WNK1: variants seen among roughly 807,000 people sequenced by gnomAD.
WNK1 encodes the protein WNK lysine deficient protein kinase 1.
WNK1 carries 38 observed loss-of-function variants against 222.8 expected under a neutral mutation model. That is an observed-to-expected ratio of 0.17 (90% CI 0.13 to 0.22). The LOEUF (loss-of-function observed/expected upper bound fraction) is 0.22. Ranked by LOEUF, WNK1 falls within the 10% of genes least tolerant of loss-of-function variation. The pLI is 1.00. For missense variants in WNK1, 2,348 were observed against 2,918.4 expected (o/e 0.80, Z 4.50); for synonymous variants, 1,090 against 1,092.9 (o/e 1.00, Z 0.05).
Position 753,609 on chromosome 12 carries a change from C to T in WNK1, c.44C>T (p.Ser15Phe). The change falls in exon 1 of 28, where the codon TCC becomes TTC. Residue 15 changes from serine to phenylalanine, a missense_variant. Coordinates refer to ENST00000315939, the MANE Select transcript of WNK1 (RefSeq NM_018979.4). The surrounding 1 kb of genome is among the most constrained non-coding windows in gnomAD (Gnocchi z 5.2). The part of the protein sequence containing the change: ...AAEKQSSTPG[S>F]LFLSPPAPAP... ...GAGAAGCAGAGCAGCACTCCCGGTT[C>T]CCTGTTCCTCTCGCCGCCGGCTCCT... 2 of 1,612,822 alleles carry T rather than the reference C, an allele frequency of 1.2e-6. No individual in the cohort carries two copies. The highest frequency in any genetic ancestry group is 1.7e-6 in the Non-Finnish European group (2 of 1,179,924).
intron 1 of WNK1, among the ~76,000 whole-genome samples, chr12:762,925 T>C (rs112653129): frequency 0.099 from 14,425 of 146,040 alleles, 1,844 homozygotes; most frequent in African/African-American, 0.17. Context: ...TTTGTATTTT[T>C]AGTAGAGGTG....
At chr12:886,177 A>G in intron 19 of WNK1, 93 bp downstream of exon 19, 1 of 1,143,672 alleles carries the variant, frequency 8.7e-7, no homozygotes, top group Admixed American at 2.7e-5. Context: ...GTAAGTTAGA[A>G]ACATATTTAT....
intron 20 of WNK1, among the ~76,000 whole-genome samples, chr12:888,243 C>G (rs1953861564): frequency 1.3e-5 from 2 of 152,162 alleles, no homozygotes; most frequent in African/African-American, 4.8e-5. Flanking sequence ...CAGGGGAACA[C>G]TATTTGAGGA....
At chr12:816,532 C>T (rs954121247) in intron 2 of WNK1, among the ~76,000 whole-genome samples, 2 of 151,994 alleles carry the variant, frequency 1.3e-5, no homozygotes, top group Admixed American at 1.3e-4. Flanking sequence ...TTGGCCTCAT[C>T]CCGATTTGAC....
intron 1 of WNK1, among the ~76,000 whole-genome samples, chr12:791,421 A>G (rs1470018108): frequency 2.6e-5 from 4 of 152,158 alleles, no homozygotes; most frequent in African/African-American, 9.7e-5. Context: ...GTTATAAATT[A>G]TATCATGTAT....
chr12:812,246 T>C (rs1437854873), intron 1 of WNK1, among the ~76,000 whole-genome samples: 1 of 152,214 alleles, frequency 6.6e-6, no homozygotes, highest in East Asian at 1.9e-4. Context: ...ATTTTTCTTT[T>C]AAGTCACAGG....
intron 3 of WNK1, among the ~76,000 whole-genome samples, chr12:828,991 A>G (rs1948587774): frequency 6.6e-6 from 1 of 152,254 alleles, no homozygotes; most frequent in Admixed American, 6.5e-5. Flanking sequence ...ACATTTTCTT[A>G]TAATACATTC....
intron 14 of WNK1, 47 bp from the exon 15 acceptor site, chr12:882,896 A>G: frequency 8.2e-7 from 1 of 1,215,590 alleles, no homozygotes; most frequent in Non-Finnish European, 1.2e-6. Flanking sequence ...ATTCAGTAAT[A>G]AAGCTGAATA....
At chr12:894,708 A>G (rs1954587187) in intron 23 of WNK1, 73 bp downstream of exon 23, 7 of 1,395,764 alleles carry the variant, frequency 5.0e-6, no homozygotes, top group South Asian at 1.2e-5. Context: ...ATTACTGCCT[A>G]CCTATTTGGG....
In WNK1 at chr12:769,638, T is replaced by C. The variant is rs570934248; in HGVS notation, c.759+15314T>C. 4.8e-4 allele frequency among the ~76,000 whole-genome samples: 73 copies of C among 152,364 alleles called. 1 individual carries two copies. The highest frequency in any genetic ancestry group is 2.6e-4 in the Admixed American group (4 of 15,300). On this transcript the variant is annotated intron_variant, in intron 1 of 27. Transcript: ENST00000315939. ...CAGCAATTTCTCCTGGAGCCCTGGT[T>C]CTTTTTATTGTAGAAAGGTATTCAG...
At chr12:869,566 A>G (rs765645396) in intron 8 of WNK1, among the ~76,000 whole-genome samples, 285 of 152,278 alleles carry the variant, frequency 1.9e-3, no homozygotes, top group South Asian at 3.7e-3. Flanking sequence ...TTTTGAGGTA[A>G]TATTAATAAT....
chr12:826,312 T>C (rs558386667), intron 2 of WNK1, among the ~76,000 whole-genome samples: 3 of 152,326 alleles, frequency 2.0e-5, no homozygotes, highest in South Asian at 4.1e-4. Flanking sequence ...GTGGCAACTT[T>C]ATTGGACAGA....
chr12:868,393 A>T (rs957287456), intron 8 of WNK1: 1 of 1,613,976 alleles, frequency 6.2e-7, no homozygotes. Context: ...AGCCAGTACA[A>T]GGGGGCCCTA....
At chr12:806,629 G>A (rs941921369) in intron 1 of WNK1, among the ~76,000 whole-genome samples, 5 of 152,090 alleles carry the variant, frequency 3.3e-5, no homozygotes, top group Non-Finnish European at 5.9e-5. Flanking sequence ...ACGTAGTTGT[G>A]GCTTTTATTA....
In WNK1 at chr12:827,484, T is replaced by G; in HGVS notation, c.1153+222T>G. The G allele has an allele frequency of 1.7e-6, 1 of 583,636 alleles. No homozygotes were observed. The highest frequency in any genetic ancestry group is 3.0e-6 in the Non-Finnish European group (1 of 328,728). 36.2% of individuals were successfully genotyped at this position (583,636 alleles called of 1,614,324 possible). On this transcript the variant is annotated intron_variant, in intron 3 of 27. Coordinates refer to ENST00000315939, the MANE Select transcript of WNK1 (RefSeq NM_018979.4). The surrounding 1 kb of genome is among the most constrained non-coding windows in gnomAD (Gnocchi z 4.6). ...TAACATTACGTTACAAGAAATAAAG[T>G]GAACTTTGTTGATAAAACCTAATGT...
intron 10 of WNK1, 61 bp from the exon 11 acceptor site, chr12:879,512 G>GTT: frequency 6.8e-6 from 5 of 735,636 alleles, no homozygotes; most frequent in South Asian, 2.5e-5. Flanking sequence ...TGGCAGCCTT[G>GTT]CTTTTTTTTT....
At chr12:842,999 G>C (rs1949745408) in intron 4 of WNK1, among the ~76,000 whole-genome samples, 3 of 152,154 alleles carry the variant, frequency 2.0e-5, no homozygotes, top group Admixed American at 6.6e-5. Context: ...GTAGTGGCAT[G>C]ATCCCAGCTC....
chr12:878,404 C>G (rs1952817431), intron 10 of WNK1, 43 bp downstream of exon 10: 6 of 1,580,908 alleles, frequency 3.8e-6, no homozygotes, highest in Non-Finnish European at 5.2e-6. Flanking sequence ...CTCTTAATTT[C>G]TGAAAGGGTG....
chr12:783,490 C>CA (rs142291416), intron 1 of WNK1, among the ~76,000 whole-genome samples: 38,549 of 74,306 alleles, frequency 0.52, 14,036 homozygotes, highest in East Asian at 0.83. Context: ...CTGTCTCCAC[C>CA]AAAAAAAAAA....
Sources: gnomAD v4.1 joint callset for allele counts (sites outside exome capture counted in the v4.1 genomes callset) on GRCh38, gnomAD v4.1.1 for gene constraint, Gnocchi (gnomAD v3.1) non-coding constraint, MANE v1.5 for transcripts, NCBI Gene and HGNC (gene_info 2026-07-23, HGNC 2026-07-21) for gene names.